The following CHSY3 variants were observed in gnomAD, a reference collection of about 807,000 sequenced individuals.
The protein encoded by CHSY3 is chondroitin sulfate synthase 3.
Under a neutral mutation model 67.2 loss-of-function variants are expected in CHSY3, and 35 were observed. That is an observed-to-expected ratio of 0.52 (90% CI 0.40 to 0.69). The LOEUF (loss-of-function observed/expected upper bound fraction) is 0.69. Ranked by LOEUF, CHSY3 falls within the 30% of genes least tolerant of loss-of-function variation. The pLI is 0.00. For missense variants in CHSY3, 1,069 were observed against 1,138.5 expected (o/e 0.94, Z 0.88); for synonymous variants, 474 against 434.7 (o/e 1.09, Z -1.12).
At chr5:130,011,423 T>C (rs1246874209) in intron 2 of CHSY3, among the ~76,000 whole-genome samples, 1 of 152,154 alleles carries the variant, frequency 6.6e-6, no homozygotes, top group Non-Finnish European at 1.5e-5. Flanking sequence ...AAATTCAACA[T>C]TCCTTCATGT....
At chr5:129,962,968 A>G (rs1252458972) in intron 2 of CHSY3, among the ~76,000 whole-genome samples, 2 of 151,918 alleles carry the variant, frequency 1.3e-5, no homozygotes, top group Non-Finnish European at 2.9e-5. Flanking sequence ...TATGTTTTAT[A>G]TTCTGCTCCT....
chr5:130,020,442 T>A (rs1449325722), intron 2 of CHSY3, among the ~76,000 whole-genome samples: 5 of 54,728 alleles, frequency 9.1e-5, no homozygotes, highest in African/African-American at 5.0e-4. Context: ...TATATATATA[T>A]ATATATATAT....
At chr5:130,076,802 A>G (rs1766269308) in intron 2 of CHSY3, among the ~76,000 whole-genome samples, 1 of 152,058 alleles carries the variant, frequency 6.6e-6, no homozygotes, top group African/African-American at 2.4e-5. Context: ...AAACTTTCCA[A>G]TGTTTAAAAT....
intron 2 of CHSY3, among the ~76,000 whole-genome samples, chr5:129,958,059 G>T (rs940255952): frequency 6.6e-6 from 1 of 152,060 alleles, no homozygotes; most frequent in African/African-American, 2.4e-5. Context: ...TTTTTAAAAT[G>T]TGAATTTTTA....
intron 2 of CHSY3, among the ~76,000 whole-genome samples, chr5:130,005,585 C>T (rs17769571): frequency 0.13 from 19,366 of 152,074 alleles, 1,571 homozygotes; most frequent in East Asian, 0.35. Context: ...GTTTTAAAAA[C>T]TCATGATATT....
chr5:129,995,669 A>G (rs1028764396), intron 2 of CHSY3, among the ~76,000 whole-genome samples: 25 of 151,632 alleles, frequency 1.6e-4, no homozygotes, highest in Admixed American at 1.6e-3. Context: ...GTTGGAGCCA[A>G]CATTCTAATT....
intron 2 of CHSY3, chr5:130,001,482 C>T: frequency 1.1e-6 from 1 of 949,724 alleles, no homozygotes; most frequent in Non-Finnish European, 1.3e-6. Context: ...GTGCCTGTGG[C>T]AGAGACTGGT....
At chr5:129,911,826 G>A (rs986251639) in intron 2 of CHSY3, among the ~76,000 whole-genome samples, 1 of 152,164 alleles carries the variant, frequency 6.6e-6, no homozygotes, top group African/African-American at 2.4e-5. Context: ...GGAGGCTGAC[G>A]CGGGCGGATC....
At chr5:129,980,788 C>T (rs1399103482) in intron 2 of CHSY3, among the ~76,000 whole-genome samples, 1 of 152,118 alleles carries the variant, frequency 6.6e-6, no homozygotes, top group Admixed American at 6.6e-5. Flanking sequence ...GTTGAGTTAA[C>T]TGTGTGAAGA....
chr5:129,951,398 C>T (rs1051630288), intron 2 of CHSY3, among the ~76,000 whole-genome samples: 2 of 152,034 alleles, frequency 1.3e-5, no homozygotes, highest in South Asian at 4.1e-4. Flanking sequence ...ACACATGAGG[C>T]TACATCAAGT....
chr5:130,014,025 C>A (rs1414375035), intron 2 of CHSY3, among the ~76,000 whole-genome samples: 1 of 152,214 alleles, frequency 6.6e-6, no homozygotes, highest in African/African-American at 2.4e-5. Context: ...AAGCACTGCA[C>A]AATGCCACCA....
In CHSY3 at chr5:130,020,461, ATTTTTT is replaced by A. The variant is rs1196155924; in HGVS notation, c.1086+112114_1086+112119del. Among the ~76,000 whole-genome samples, 45 of 79,870 alleles carry A rather than the reference ATTTTTT, an allele frequency of 5.6e-4. 1 individual carries two copies. Among genetic ancestry groups the A allele is most frequent in the African/African-American group, 2.3e-3 (37 of 16,402 alleles). 52.4% of individuals were successfully genotyped at this position (79,870 alleles called of 152,430 possible). On this transcript the variant is annotated intron_variant, in intron 2 of 2. Coordinates refer to ENST00000305031, the MANE Select transcript of CHSY3 (RefSeq NM_175856.5). ...TATATATATATATATATATATATAT[ATTTTTT>A]TTTTTTTTTTTTCCTCTGGCTCCTC...
At position 130,178,253 on chromosome 5, in the gene CHSY3, A is replaced by ATATTT. The variant is rs1205782386; in HGVS notation, c.1087-5975_1087-5974insATTTT. ...TATATATATATATATATATATATAT[A>ATATTT]TTTTTTTTTTTTTTTTTCCTGAGAC... On this transcript the variant is annotated intron_variant, in intron 2 of 2. Coordinates refer to ENST00000305031, the MANE Select transcript of CHSY3 (RefSeq NM_175856.5). Among the ~76,000 whole-genome samples, 122 of 45,912 alleles carry ATATTT rather than the reference A, an allele frequency of 2.7e-3. 2 individuals carry two copies. The highest frequency in any genetic ancestry group is 0.013 in the East Asian group (14 of 1,078). The allele number at this position is 45,912 out of a possible 152,430, so 30.1% of individuals were successfully genotyped here.
Position 130,184,864 on chromosome 5 carries a change from G to C in CHSY3, c.1722G>C (p.Glu574Asp). ...TGTTCAGCAAGCCTTTCTTCAGAGAGACCGAAGAGCTAGATGTCAACAGTC... is the reference window on the plus strand; with the variant it reads ...TGTTCAGCAAGCCTTTCTTCAGAGACACCGAAGAGCTAGATGTCAACAGTC... ...QQLFSKPFFRETEELDVNSLV... is the reference protein window; with the variant it reads ...QQLFSKPFFRDTEELDVNSLV... The change falls in exon 3 of 3, where the codon GAG (glutamate) becomes GAC (aspartate). Residue 574 changes from glutamate (E) to aspartate (D), a missense_variant. Coordinates refer to ENST00000305031, the MANE Select transcript of CHSY3 (RefSeq NM_175856.5). The C allele has an allele frequency of 6.3e-7, 1 of 1,596,248 alleles. No individual in the cohort carries two copies. Among genetic ancestry groups the C allele is most frequent in the South Asian group, 1.1e-5 (1 of 90,704 alleles).
intron 2 of CHSY3, among the ~76,000 whole-genome samples, chr5:129,957,555 T>C (rs1331923580): frequency 1.3e-5 from 2 of 152,194 alleles, no homozygotes; most frequent in African/African-American, 4.8e-5. Flanking sequence ...CTGTAGTTTT[T>C]CCTCACATGT....
intron 2 of CHSY3, among the ~76,000 whole-genome samples, chr5:130,145,169 A>G (rs1028295816): frequency 6.6e-6 from 1 of 152,026 alleles, no homozygotes; most frequent in African/African-American, 2.4e-5. Context: ...ACTGGGGATT[A>G]CAACTGAACA....
At position 129,926,432 on chromosome 5, in the gene CHSY3, G is replaced by A. The variant is rs937909534; in HGVS notation, c.1086+18072G>A. Among the ~76,000 whole-genome samples, 5 of 151,890 alleles carry A rather than the reference G, an allele frequency of 3.3e-5. No homozygotes were observed. The South Asian group carries it at 6.2e-4, about 19-fold the overall frequency. On this transcript the variant is annotated intron_variant, in intron 2 of 2. Coordinates refer to ENST00000305031, the MANE Select transcript of CHSY3 (RefSeq NM_175856.5). ...TATTTTGTGTCTTAATTGAGTTGTA[G>A]GTACTTCTACTGTAAACAGACTGAG...
chr5:130,079,620 C>G (rs1047371807), intron 2 of CHSY3, among the ~76,000 whole-genome samples: 1 of 152,072 alleles, frequency 6.6e-6, no homozygotes, highest in Non-Finnish European at 1.5e-5. Context: ...GTCTTACAGA[C>G]TGGGTTCAGG....
intron 2 of CHSY3, among the ~76,000 whole-genome samples, chr5:130,087,130 C>T (rs940523938): frequency 6.6e-6 from 1 of 151,962 alleles, no homozygotes; most frequent in Non-Finnish European, 1.5e-5. Context: ...ATGATTATCT[C>T]AATAGATGCA....
Sources: allele counts gnomAD v4.1 joint callset (sites outside exome capture counted in the v4.1 genomes callset), GRCh38; gene constraint gnomAD v4.1.1; transcripts MANE v1.5; gene names NCBI Gene and HGNC (gene_info 2026-07-23, HGNC 2026-07-21).